Variants in EFHB observed in about 807,000 individuals in gnomAD.
EFHB encodes EF-hand domain-containing family member B.
Under a neutral mutation model 87.2 loss-of-function variants are expected in EFHB, and 91 were observed. The observed-to-expected ratio is 1.04, with a 90% CI of 0.88 to 1.24. The LOEUF (loss-of-function observed/expected upper bound fraction) is 1.24. EFHB is among the 50% of genes most tolerant of loss of function. The pLI, the probability that EFHB is intolerant of heterozygous loss-of-function variation, is 0.00. For missense variants in EFHB, 1,084 were observed against 998.8 expected, an observed-to-expected ratio of 1.09 and a Z score of -1.15; for synonymous variants, 325 against 333.6, an observed-to-expected ratio of 0.97 and a Z score of 0.28.
At chr3:19,933,086 T>A in intron 1 of EFHB, 144 bp downstream of exon 1, 1 of 1,069,112 alleles carries the variant, frequency 9.4e-7, no homozygotes, top group Non-Finnish European at 1.3e-6. Flanking sequence ...CTGCAAAGAT[T>A]CCAGTGGGGC....
At chr3:19,926,332 T>C (rs555306072) in intron 1 of EFHB, among the ~76,000 whole-genome samples, 1 of 65,500 alleles carries the variant, frequency 1.5e-5, no homozygotes, top group East Asian at 2.2e-4. Context: ...TTTGGTTTTT[T>C]TGGGGTTTTT....
At position 19,918,345 on chromosome 3, in the gene EFHB, G is replaced by C; in HGVS notation, c.1064C>G (p.Ser355Cys). The change falls in exon 4 of 13, where the codon TCT (serine) becomes TGT (cysteine). Residue 355 changes from serine to cysteine, a missense_variant. Coordinates refer to ENST00000295824, the MANE Select transcript of EFHB (RefSeq NM_144715.4). ...TGCTCGTCGATTGCTAAGATATATA[G>C]ATTCTTTTTTATCTTTAATTTTCTG... ...FQQKIKDKKE[S>C]IYLSNRRAPL... is the part of the protein sequence containing the mutation. 6.2e-7 allele frequency: 1 copy of C among 1,611,802 alleles called. No individual in the cohort carries two copies.
At chr3:19,934,452 T>TCTCC (rs1250408821), upstream of EFHB, among the ~76,000 whole-genome samples, 65 of 148,274 alleles carry the variant, frequency 4.4e-4, no homozygotes, top group African/African-American at 1.5e-3. Context: ...TCTCTCTCCC[T>TCTCC]CTCTGTGTGT....
chr3:19,909,686 C>T (rs747131721), intron 5 of EFHB, among the ~76,000 whole-genome samples: 26 of 152,126 alleles, frequency 1.7e-4, no homozygotes, highest in Non-Finnish European at 2.9e-4. Flanking sequence ...CCCTTCCTTC[C>T]GCTTGAGGAG....
chr3:19,922,841 A>G (rs536323475), intron 1 of EFHB, among the ~76,000 whole-genome samples: 4 of 152,262 alleles, frequency 2.6e-5, no homozygotes, highest in Non-Finnish European at 4.4e-5. Context: ...GTGTCCACAC[A>G]TGCTATGTGC....
At chr3:19,900,745 A>G (rs943803847) in intron 6 of EFHB, among the ~76,000 whole-genome samples, 6 of 152,172 alleles carry the variant, frequency 3.9e-5, no homozygotes, top group African/African-American at 1.4e-4. Flanking sequence ...CCTGACCAAC[A>G]TGGTGAAACC....
At chr3:19,897,707 CT>C (rs1291958997) in intron 8 of EFHB, among the ~76,000 whole-genome samples, 1 of 152,188 alleles carries the variant, frequency 6.6e-6, no homozygotes, top group Admixed American at 6.5e-5. Flanking sequence ...TTACCTACTT[CT>C]TTTTCAAGCT....
chr3:19,923,224 G>A (rs765777793), intron 1 of EFHB, among the ~76,000 whole-genome samples: 27 of 150,922 alleles, frequency 1.8e-4, no homozygotes, highest in Non-Finnish European at 1.5e-4. Context: ...CCGAGATTGC[G>A]CCACTGCACT....
rs1421307293 is a variant in EFHB, at chr3:19,933,428, G to C, written c.591C>G (p.Thr197=). ...KLPVEVDIGL[T]QAEGPDETKN... is the part of the protein sequence containing the mutation. ...TAGTCTCATCTGGCCCCTCGGCTTG[G>C]GTTAGTCCAATGTCCACCTCCACAG... Residue 197 remains threonine (T), a synonymous_variant, in exon 1 of 13, where the codon ACC becomes ACG. Transcript: ENST00000295824. 1 of 1,613,942 alleles carries C rather than the reference G, an allele frequency of 6.2e-7. No individual in the cohort carries two copies. Among genetic ancestry groups the C allele is most frequent in the Admixed American group, 1.7e-5 (1 of 60,006 alleles).
intron 1 of EFHB, chr3:19,940,488 G>T: frequency 2.0e-6 from 1 of 504,526 alleles, no homozygotes; most frequent in Middle Eastern, 6.7e-4. Context: ...TCTTCTGTTT[G>T]TCTTCATCGT....
At chr3:19,896,639 G>A in intron 9 of EFHB, 48 bp downstream of exon 9, 1 of 1,612,942 alleles carries the variant, frequency 6.2e-7, no homozygotes, top group Non-Finnish European at 8.5e-7. Context: ...CAAACTGCTG[G>A]GATCTGTAAG....
At position 19,920,484 on chromosome 3, in the gene EFHB, AG is replaced by A; in HGVS notation, c.852+20del. 6.3e-7 allele frequency: 1 copy of A among 1,576,186 alleles called. No homozygotes were observed. The highest frequency in any genetic ancestry group is 8.6e-7 in the Non-Finnish European group (1 of 1,159,614). On this transcript the variant is annotated intron_variant, in intron 2 of 12. Transcript: ENST00000295824. The stretch of plus-strand genomic sequence containing the variant: ...ATAGAAGGTAAAAATAGAAATATAA[AG>A]GTATATTGAAAGTGCTCACCCTGGG...
chr3:19,939,051 C>A (rs1193109420), upstream of EFHB, among the ~76,000 whole-genome samples: 1 of 152,104 alleles, frequency 6.6e-6, no homozygotes, highest in African/African-American at 2.4e-5. Flanking sequence ...AAACTACAGG[C>A]ACCCGCCACC....
Position 19,884,503 on chromosome 3 carries a change from C to G in EFHB, c.2046G>C (p.Lys682Asn), listed in dbSNP as rs369050547. 2 of 1,613,940 alleles carry G rather than the reference C, an allele frequency of 1.2e-6. No individual in the cohort carries two copies. The highest frequency in any genetic ancestry group is 1.7e-6 in the Non-Finnish European group (2 of 1,179,864). Reference sequence around the variant, plus strand: ...TTGGTCTCAGAAGTGTCCGGAGAGTCTTTTCTGTGCTTCCTGCTTCTTTTA... The same window carrying G: ...TTGGTCTCAGAAGTGTCCGGAGAGTGTTTTCTGTGCTTCCTGCTTCTTTTA... ...IVLKEAGSTE[K>N]TLRTLLRPSD... The change falls in exon 11 of 13, where the codon AAG becomes AAC. Residue 682 changes from lysine to asparagine, a missense_variant. Lys to Asn is a moderately conservative substitution (Grantham distance 94). Transcript: ENST00000295824.
chr3:19,932,195 C>T (rs1340834368), intron 1 of EFHB, among the ~76,000 whole-genome samples: 3 of 152,200 alleles, frequency 2.0e-5, no homozygotes, highest in African/African-American at 7.2e-5. Flanking sequence ...CTTTCTAACT[C>T]TACATTAATT....
At chr3:19,889,942 G>A (rs994022875) in intron 9 of EFHB, among the ~76,000 whole-genome samples, 1 of 152,168 alleles carries the variant, frequency 6.6e-6, no homozygotes, top group African/African-American at 2.4e-5. Context: ...AGCCGAGACT[G>A]CGCCATTGCA....
Position 19,915,341 on chromosome 3 carries a change from T to C in EFHB, c.1250A>G (p.His417Arg), listed in dbSNP as rs1695192168. The C allele has an allele frequency of 3.7e-6, 6 of 1,613,224 alleles. No homozygotes were observed. The highest frequency in any genetic ancestry group is 1.6e-4 in the Middle Eastern group (1 of 6,080). Residue 417 changes from histidine (H) to arginine (R), a missense_variant, in exon 5 of 13, where the codon CAT becomes CGT. By Grantham distance (29) the His-to-Arg change is conservative. Coordinates refer to ENST00000295824, the MANE Select transcript of EFHB (RefSeq NM_144715.4). ...EEVFKEGNEG[H>R]DLYVVSHNDY... The stretch of plus-strand genomic sequence containing the variant: ...ATTGTGAGAAACAACATACAAATCA[T>C]GTCCTTCATTTCCTTCTTTAAATAC...
At position 19,882,406 on chromosome 3, in the gene EFHB, C is replaced by T. The variant is rs944015600; in HGVS notation, c.2328+144G>A. 2.5e-5 allele frequency: 19 copies of T among 745,204 alleles called. No homozygotes were observed. In the Middle Eastern group the frequency reaches 1.7e-3, roughly 68 times the overall value. The allele number at this position is 745,204 out of a possible 1,614,324, so 46.2% of individuals were successfully genotyped here. A position where few individuals can be genotyped will look rare whatever the true frequency, so the allele number is the denominator to read the frequency against. ...CAAGAATTGTACCAGATGTCACAAC[C>T]AAGTTGAGGATTATTCATCAAGAAT... On this transcript the variant is annotated intron_variant, in intron 12 of 12. Transcript: ENST00000295824.
At chr3:19,926,327 T>G (rs536923575) in intron 1 of EFHB, among the ~76,000 whole-genome samples, 6 of 69,300 alleles carry the variant, frequency 8.7e-5, no homozygotes, top group African/African-American at 1.6e-4. Context: ...GGTTTTTTGG[T>G]TTTTTTGGGG....
Sources: allele counts gnomAD v4.1 joint callset (sites outside exome capture counted in the v4.1 genomes callset), GRCh38; gene constraint gnomAD v4.1.1; transcripts MANE v1.5; gene names NCBI Gene and HGNC (gene_info 2026-07-23, HGNC 2026-07-21).